The following EIF4A2 variants were observed in gnomAD, a reference collection of about 807,000 sequenced individuals.
EIF4A2 encodes the protein eukaryotic translation initiation factor 4A2.
EIF4A2 carries 9 observed loss-of-function variants against 50.6 expected under a neutral mutation model. That is an observed-to-expected ratio of 0.18 (90% CI 0.11 to 0.31). EIF4A2 has a LOEUF of 0.31. EIF4A2 is among the 10% of genes least tolerant of loss of function. The pLI is 1.00. For missense variants in EIF4A2, 182 were observed against 501.8 expected (o/e 0.36, Z 6.09); for synonymous variants, 215 against 164.4 (o/e 1.31, Z -2.35).
At chr3:186,789,002 G>GT (rs1721963309) in intron 10 of EIF4A2, 123 bp from the exon 11 acceptor site, 1 of 1,376,384 alleles carries the variant, frequency 7.3e-7, no homozygotes, top group Non-Finnish European at 9.7e-7. Flanking sequence ...TAGTGCTCCA[G>GT]TTAGAAGCAC....
intron 10 of EIF4A2, chr3:186,788,254 T>G: frequency 7.8e-7 from 1 of 1,278,366 alleles, no homozygotes; most frequent in Non-Finnish European, 1.0e-6. Context: ...TATCCCTAAA[T>G]AAATTGAATT....
chr3:186,786,460 T>G, intron 6 of EIF4A2, 42 bp from the exon 7 acceptor site: 1 of 1,602,806 alleles, frequency 6.2e-7, no homozygotes, highest in Non-Finnish European at 8.5e-7. Flanking sequence ...CTTTGGGTAT[T>G]AATGTGTAAG....
chr3:186,784,253 G>C (rs1041099842), intron 1 of EIF4A2, 179 bp from the exon 2 acceptor site: 1 of 856,296 alleles, frequency 1.2e-6, no homozygotes, highest in Admixed American at 2.9e-5. Context: ...GCCTTTCCGG[G>C]CATCCGCAGG....
intron 7 of EIF4A2, 47 bp downstream of exon 7, chr3:186,786,692 C>T: frequency 6.2e-7 from 1 of 1,610,834 alleles, no homozygotes; most frequent in Non-Finnish European, 8.5e-7. Flanking sequence ...TGTATAAGCA[C>T]TGTGCTAAAA....
At chr3:186,787,747 ATG>A in intron 9 of EIF4A2, 54 bp from the exon 10 acceptor site, 1 of 1,609,328 alleles carries the variant, frequency 6.2e-7, no homozygotes, top group Non-Finnish European at 8.5e-7. Context: ...TGTGGCCTAC[ATG>A]ACAGGTGTCA....
At chr3:186,783,968 C>T (rs985617740) in intron 1 of EIF4A2, 5 of 435,908 alleles carry the variant, frequency 1.1e-5, no homozygotes, top group African/African-American at 5.9e-5. Context: ...AACCAGGACC[C>T]GAAGCTTTAT....
intron 1 of EIF4A2, chr3:186,783,896 A>G (rs1032655707): frequency 1.8e-6 from 1 of 563,394 alleles, no homozygotes; most frequent in Non-Finnish European, 3.1e-6. Context: ...TTTCCTTCCC[A>G]GTGTAGAGCA....
rs762792787 is a variant in EIF4A2 at position 186,789,291 on chromosome 3, AT to A, written c.*23del. On this transcript the variant is annotated 3_prime_UTR_variant, in exon 11 of 11. Transcript: ENST00000323963. ...TTAATTCCTGGGATGAGAGTTTTGGATGCAGTGCTCGCTGTTGCTGAATAGG... is the reference window on the plus strand; with the variant it reads ...TTAATTCCTGGGATGAGAGTTTTGGAGCAGTGCTCGCTGTTGCTGAATAGG... 1.8e-5 allele frequency: 28 copies of A among 1,598,286 alleles called. No individual in the cohort carries two copies. The East Asian group carries it at 5.6e-4, about 32-fold the overall frequency.
At chr3:186,783,770 C>T (rs1721509710) in intron 1 of EIF4A2, 131 bp downstream of exon 1, 5 of 1,395,546 alleles carry the variant, frequency 3.6e-6, no homozygotes, top group Non-Finnish European at 5.0e-6. Flanking sequence ...CTCCTGTGCC[C>T]TTCCAGAAGC....
At position 186,787,282 on chromosome 3, in the gene EIF4A2, A is replaced by G; in HGVS notation, c.909+18A>G. The G allele has an allele frequency of 2.5e-6, 4 of 1,614,034 alleles. No individual in the cohort carries two copies. The highest frequency in any genetic ancestry group is 3.4e-6 in the Non-Finnish European group (4 of 1,179,936). Reference sequence around the variant, plus strand: ...CTGCTCTGGTAAGAGGTGTTCTAAAATGTCTGGATTTCCACTAAAGCAGGA... The same window carrying G: ...CTGCTCTGGTAAGAGGTGTTCTAAAGTGTCTGGATTTCCACTAAAGCAGGA... On this transcript the variant is annotated intron_variant, in intron 8 of 10. Coordinates refer to ENST00000323963, the MANE Select transcript of EIF4A2 (RefSeq NM_001967.4).
intron 10 of EIF4A2, chr3:186,788,515 C>G (rs1045386173): frequency 2.2e-5 from 23 of 1,027,966 alleles, no homozygotes; most frequent in Non-Finnish European, 1.3e-6. Flanking sequence ...ATTAGGGAAC[C>G]TTTCTTATTA....
chr3:186,787,956 CATCAA>C (rs1439891893), intron 10 of EIF4A2, 74 bp downstream of exon 10: 15 of 1,464,466 alleles, frequency 1.0e-5, no homozygotes, highest in Non-Finnish European at 1.3e-5. Context: ...TGAAAGGTAA[CATCAA>C]ATCAAGGAAT....
intron 9 of EIF4A2, 26 bp from the exon 10 acceptor site, chr3:186,787,777 T>A (rs746317300): frequency 1.2e-6 from 2 of 1,614,058 alleles, no homozygotes; most frequent in Non-Finnish European, 1.7e-6. Flanking sequence ...TTGAATCAAT[T>A]TTTAAAACAT....
At chr3:186,785,627 G>A in intron 4 of EIF4A2, 1 of 450,212 alleles carries the variant, frequency 2.2e-6, no homozygotes, top group Non-Finnish European at 4.0e-6. Context: ...GAAGAATAAT[G>A]TAGGAAACGT....
At chr3:186,783,796 G>A in intron 1 of EIF4A2, 157 bp downstream of exon 1, 1 of 1,207,738 alleles carries the variant, frequency 8.3e-7, no homozygotes, top group Admixed American at 2.1e-5. Context: ...TGATGGGTAG[G>A]GCCCGGATTG....
intron 1 of EIF4A2, 181 bp from the exon 2 acceptor site, chr3:186,784,251 G>C (rs764696988): frequency 8.1e-5 from 69 of 851,864 alleles, no homozygotes; most frequent in Admixed American, 1.7e-4. Context: ...CTGCCTTTCC[G>C]GGCATCCGCA....
At chr3:186,788,621 A>T (rs1721922982) in intron 10 of EIF4A2, 1 of 266,346 alleles carries the variant, frequency 3.8e-6, no homozygotes, top group Non-Finnish European at 6.8e-6. Context: ...AAACTGAGCA[A>T]AAAAGCAGTG....
rs1210351793 is a variant in EIF4A2 at position 186,789,176 on chromosome 3, T to C, written c.1131T>C (p.Val377=). The C allele has an allele frequency of 9.3e-6, 15 of 1,613,742 alleles. No homozygotes were observed. The highest frequency in any genetic ancestry group is 1.3e-5 in the Non-Finnish European group (15 of 1,179,830). The change falls in exon 11 of 11, where the codon GTT becomes GTC. Residue 377 remains valine (V), a synonymous_variant. Coordinates refer to ENST00000323963, the MANE Select transcript of EIF4A2 (RefSeq NM_001967.4). ...FGRKGVAINF[V]TEEDKRILRD... ...GGAAAGGTGTGGCTATAAACTTTGT[T>C]ACTGAAGAAGACAAGAGGATTCTTC... is the stretch of plus-strand genomic sequence containing the variant.
intron 10 of EIF4A2, 178 bp from the exon 11 acceptor site, chr3:186,788,940 TTTGGCAC>T (rs971964028): frequency 1.4e-6 from 1 of 729,944 alleles, no homozygotes. Flanking sequence ...CTTGAATCCT[TTTGGCAC>T]TAACTGCAAA....
Sources: allele counts gnomAD v4.1 joint callset, GRCh38; gene constraint gnomAD v4.1.1; transcripts MANE v1.5; gene names NCBI Gene and HGNC (gene_info 2026-07-23, HGNC 2026-07-21).